Variants in SLC25A21 observed in about 807,000 individuals in gnomAD.
SLC25A21 encodes the protein solute carrier family 25 member 21, also known as mitochondrial 2-oxodicarboxylate carrier.
Under a neutral mutation model 43.8 loss-of-function variants are expected in SLC25A21, and 47 were observed. The observed-to-expected ratio is 1.07, with a 90% CI of 0.85 to 1.37. The LOEUF is 1.37. Ranked by LOEUF, SLC25A21 falls within the 40% of genes most tolerant of loss-of-function variation. The pLI, the probability that SLC25A21 is intolerant of heterozygous loss-of-function variation, is 0.00. For synonymous variants in SLC25A21, 131 were observed against 121.3 expected (o/e 1.08, Z -0.52); for missense variants, 352 against 350.2 (o/e 1.00, Z -0.04).
intron 2 of SLC25A21, among the ~76,000 whole-genome samples, chr14:36,871,384 G>C (rs1254420012): frequency 6.6e-6 from 1 of 152,288 alleles, no homozygotes; most frequent in African/African-American, 2.4e-5. Flanking sequence ...AGTATGGTGA[G>C]AAATAAATTT....
chr14:37,085,057 C>A (rs1202510772), intron 1 of SLC25A21, among the ~76,000 whole-genome samples: 1 of 152,076 alleles, frequency 6.6e-6, no homozygotes, highest in African/African-American at 2.4e-5. Flanking sequence ...CTTCTTCTTG[C>A]ATGATTATTA....
chr14:36,691,648 G>A (rs146995204), intron 7 of SLC25A21, among the ~76,000 whole-genome samples: 2,108 of 152,246 alleles, frequency 0.014, 29 homozygotes, highest in Non-Finnish European at 0.015. Context: ...GAAGCCAGGA[G>A]TTTGAGACCA....
In SLC25A21 at chr14:36,956,666, C is replaced by T. The variant is rs1039398028; in HGVS notation, c.71-81662G>A. Among the ~76,000 whole-genome samples, 5 of 152,192 alleles carry T rather than the reference C, an allele frequency of 3.3e-5. No individual in the cohort carries two copies. In the South Asian group the frequency reaches 1.0e-3, roughly 32 times the overall value. On this transcript the variant is annotated intron_variant, in intron 1 of 9. Transcript: ENST00000331299. ...ATTTTTAGATACATGGAACTTCAAA[C>T]CACTTTTATCAATATTTATCAGTTC...
At chr14:37,137,155 G>A (rs1035057967) in intron 1 of SLC25A21, among the ~76,000 whole-genome samples, 1 of 152,006 alleles carries the variant, frequency 6.6e-6, no homozygotes, top group Non-Finnish European at 1.5e-5. Context: ...CCGCCACCTC[G>A]CCCAGCTAAT....
chr14:36,824,831 A>G lies in SLC25A21; in HGVS notation c.120-10830T>C, dbSNP rs1435989634. Among the ~76,000 whole-genome samples, 4 of 150,400 alleles carry G rather than the reference A, an allele frequency of 2.7e-5. No individual in the cohort carries two copies. The East Asian group carries it at 7.9e-4, about 30-fold the overall frequency. On this transcript the variant is annotated intron_variant, in intron 2 of 9. Transcript: ENST00000331299. Reference sequence around the variant, plus strand: ...AAAAAAAAAAAAAAAAAAGCCCTCAAGGAACTGTGATGGGGAGAGAGAGCC... The same window carrying G: ...AAAAAAAAAAAAAAAAAAGCCCTCAGGGAACTGTGATGGGGAGAGAGAGCC...
At chr14:36,945,756 AT>A (rs1164268933) in intron 1 of SLC25A21, among the ~76,000 whole-genome samples, 1 of 152,160 alleles carries the variant, frequency 6.6e-6, no homozygotes, top group Non-Finnish European at 1.5e-5. Flanking sequence ...CAGAACTTCA[AT>A]TTTGCAACAG....
chr14:36,705,288 AC>A (rs574728961), intron 7 of SLC25A21, among the ~76,000 whole-genome samples: 234 of 151,074 alleles, frequency 1.5e-3, no homozygotes, highest in Non-Finnish European at 2.9e-3. Context: ...CTCGTGATCC[AC>A]CCGCCTCAGC....
Position 36,679,340 on chromosome 14 carries a change from AAATT to A in SLC25A21, c.*1314_*1317del. 1.0e-6 allele frequency: 1 copy of A among 969,300 alleles called. No homozygotes were observed. Among genetic ancestry groups the A allele is most frequent in the Non-Finnish European group, 1.2e-6 (1 of 815,352 alleles). The allele number at this position is 969,300 out of a possible 1,614,324, so 60.0% of individuals were successfully genotyped here. A position where few individuals can be genotyped will look rare whatever the true frequency, so the allele number is the denominator to read the frequency against. On this transcript the variant is annotated 3_prime_UTR_variant, in exon 10 of 10. Coordinates refer to ENST00000331299, the MANE Select transcript of SLC25A21 (RefSeq NM_030631.4). ...TTTATTTTTATACTTCAAATGCTCT[AAATT>A]AATAAAAAGTAATAATTACCATGTT...
At chr14:37,003,261 G>T (rs1181520718) in intron 1 of SLC25A21, among the ~76,000 whole-genome samples, 1 of 152,148 alleles carries the variant, frequency 6.6e-6, no homozygotes, top group Non-Finnish European at 1.5e-5. Context: ...GCATCCTTTT[G>T]TACAGCACTA....
intron 1 of SLC25A21, among the ~76,000 whole-genome samples, chr14:37,026,610 T>C (rs1264962655): frequency 6.6e-6 from 1 of 152,184 alleles, no homozygotes; most frequent in Non-Finnish European, 1.5e-5. Flanking sequence ...AAGTGTCCCA[T>C]ACTCAAGTAA....
At position 36,767,351 on chromosome 14, in the gene SLC25A21, C is replaced by T. The variant is rs34855322; in HGVS notation, c.204-32778G>A. 8.4e-3 allele frequency among the ~76,000 whole-genome samples: 1,284 copies of T among 152,302 alleles called. 10 individuals carry two copies. The highest frequency in any genetic ancestry group is 0.012 in the Non-Finnish European group (786 of 68,000). On this transcript the variant is annotated intron_variant, in intron 3 of 9. Coordinates refer to ENST00000331299, the MANE Select transcript of SLC25A21 (RefSeq NM_030631.4). ...TGTATAAATCTATGAAAGTGAATCC[C>T]GACTCTTTATTCAGATTTTGTTTTG...
At chr14:36,897,435 G>A (rs113259099) in intron 1 of SLC25A21, among the ~76,000 whole-genome samples, 17,966 of 152,020 alleles carry the variant, frequency 0.12, 1,435 homozygotes, top group East Asian at 0.36. Context: ...TTAGCCATTC[G>A]TCTAATTTTT....
chr14:36,849,737 A>G (rs1468099741), intron 2 of SLC25A21, among the ~76,000 whole-genome samples: 1 of 152,192 alleles, frequency 6.6e-6, no homozygotes, highest in African/African-American at 2.4e-5. Context: ...CTTGAAAATC[A>G]GTTACCCACT....
chr14:36,955,146 G>A (rs776637053), intron 1 of SLC25A21, among the ~76,000 whole-genome samples: 13 of 152,012 alleles, frequency 8.6e-5, no homozygotes, highest in Non-Finnish European at 1.8e-4. Flanking sequence ...TTGTTAAGTG[G>A]GTGAGTAAAT....
At chr14:36,870,350 T>C (rs934218442) in intron 2 of SLC25A21, 2 of 152,220 alleles carry the variant, frequency 1.3e-5, no homozygotes, top group Non-Finnish European at 2.9e-5. Flanking sequence ...GTGTCATCAG[T>C]GTTGGCTCCT....
chr14:36,852,223 C>T (rs937937983), intron 2 of SLC25A21, among the ~76,000 whole-genome samples: 2 of 152,150 alleles, frequency 1.3e-5, no homozygotes, highest in African/African-American at 4.8e-5. Context: ...AACCACCTAC[C>T]TACACAGAGA....
intron 1 of SLC25A21, among the ~76,000 whole-genome samples, chr14:36,982,850 A>C (rs1011444941): frequency 1.3e-5 from 2 of 151,694 alleles, no homozygotes; most frequent in African/African-American, 4.9e-5. Flanking sequence ...AACAAAACAA[A>C]AGGCTAATGC....
At chr14:36,906,786 A>G (rs1181889129) in intron 1 of SLC25A21, among the ~76,000 whole-genome samples, 1 of 152,118 alleles carries the variant, frequency 6.6e-6, no homozygotes, top group African/African-American at 2.4e-5. Context: ...TACAGGTGTG[A>G]GCCACCATGC....
intron 1 of SLC25A21, among the ~76,000 whole-genome samples, chr14:36,908,382 T>C (rs1891591068): frequency 6.6e-6 from 1 of 152,106 alleles, no homozygotes; most frequent in African/African-American, 2.4e-5. Context: ...ATTTAAAAAA[T>C]GATGGTGGGA....
Sources: gnomAD v4.1 joint callset for allele counts (sites outside exome capture counted in the v4.1 genomes callset) on GRCh38, gnomAD v4.1.1 for gene constraint, MANE v1.5 for transcripts, NCBI Gene and HGNC (gene_info 2026-07-23, HGNC 2026-07-21) for gene names.